The following ARHGAP15 variants were observed in gnomAD, a reference collection of about 807,000 sequenced individuals.
The protein encoded by ARHGAP15 is rho GTPase-activating protein 15.
Under a neutral mutation model 63.7 loss-of-function variants are expected in ARHGAP15, and 51 were observed. The observed-to-expected ratio is 0.80, with a 90% confidence interval of 0.64 to 1.01. ARHGAP15 has a LOEUF of 1.01. Ranked by LOEUF, ARHGAP15 falls within the 50% of genes least tolerant of loss-of-function variation. ARHGAP15 has a pLI of 0.00. For missense variants in ARHGAP15, 560 were observed against 564.6 expected (o/e 0.99, Z 0.08); for synonymous variants, 191 against 193.8 (o/e 0.99, Z 0.12).
At chr2:143,409,343 T>TA (rs1209923176) in intron 6 of ARHGAP15, among the ~76,000 whole-genome samples, 2 of 151,936 alleles carry the variant, frequency 1.3e-5, no homozygotes, top group Non-Finnish European at 2.9e-5. Context: ...CTTTTTTTTT[T>TA]AACCAAATAG....
chr2:143,707,834 TAAA>T (rs993544115), intron 13 of ARHGAP15, among the ~76,000 whole-genome samples: 2 of 152,238 alleles, frequency 1.3e-5, no homozygotes, highest in African/African-American at 4.8e-5. Flanking sequence ...TGTTAAATGT[TAAA>T]TAAAATCAGA....
chr2:143,733,689 T>G (rs761110727), intron 13 of ARHGAP15, among the ~76,000 whole-genome samples: 4 of 152,212 alleles, frequency 2.6e-5, no homozygotes, highest in Non-Finnish European at 5.9e-5. Flanking sequence ...ATTCAGAGAT[T>G]AAAAGAATTC....
intron 13 of ARHGAP15, 133 bp downstream of exon 13, chr2:143,703,657 C>A: frequency 3.1e-6 from 2 of 635,060 alleles, no homozygotes; most frequent in Non-Finnish European, 5.2e-6. Context: ...TGAACTAGGT[C>A]TTTCTGCAGA....
intron 2 of ARHGAP15, among the ~76,000 whole-genome samples, chr2:143,195,008 G>C (rs1437657859): frequency 6.6e-6 from 1 of 152,162 alleles, no homozygotes; most frequent in Non-Finnish European, 1.5e-5. Flanking sequence ...CCAGGAGCGA[G>C]AGGCTGGTGG....
chr2:143,291,511 C>T lies in ARHGAP15; in HGVS notation c.474+40911C>T, dbSNP rs114842459. ...CAAAGCATATATGATTGTTCAAAAT[C>T]AAATGTTATAGTTTTTTCTCTAATT... is the stretch of plus-strand genomic sequence containing the variant. On this transcript the variant is annotated intron_variant, in intron 6 of 13. Transcript: ENST00000295095. 3.8e-3 allele frequency among the ~76,000 whole-genome samples: 578 copies of T among 151,940 alleles called. 5 individuals are homozygous for T. The highest frequency in any genetic ancestry group is 0.013 in the African/African-American group (548 of 41,446).
intron 11 of ARHGAP15, among the ~76,000 whole-genome samples, chr2:143,623,519 C>CG (rs1285578545): frequency 6.6e-6 from 1 of 151,982 alleles, no homozygotes; most frequent in Non-Finnish European, 1.5e-5. Context: ...ATATTTTCCT[C>CG]ACTGAGATGA....
At chr2:143,527,508 G>A (rs1457552810) in intron 10 of ARHGAP15, among the ~76,000 whole-genome samples, 1 of 151,648 alleles carries the variant, frequency 6.6e-6, no homozygotes, top group South Asian at 2.1e-4. Context: ...ATCAAGGGCT[G>A]GACACTTTGA....
At chr2:143,590,294 G>T (rs193281252) in intron 11 of ARHGAP15, among the ~76,000 whole-genome samples, 382 of 152,224 alleles carry the variant, frequency 2.5e-3, no homozygotes, top group African/African-American at 9.0e-3. Context: ...GAAACACTTA[G>T]CATACACTTT....
At chr2:143,521,275 T>G (rs1280123990) in intron 10 of ARHGAP15, among the ~76,000 whole-genome samples, 2 of 152,192 alleles carry the variant, frequency 1.3e-5, no homozygotes, top group Non-Finnish European at 2.9e-5. Context: ...TATGGAAATA[T>G]TCAGTAAAAA....
At chr2:143,548,833 A>G (rs536248070) in intron 10 of ARHGAP15, among the ~76,000 whole-genome samples, 1 of 152,268 alleles carries the variant, frequency 6.6e-6, no homozygotes, top group African/African-American at 2.4e-5. Context: ...TCATAGCAGA[A>G]ATATGAGGAA....
At chr2:143,701,640 AG>A (rs1223439584) in intron 12 of ARHGAP15, among the ~76,000 whole-genome samples, 2 of 152,260 alleles carry the variant, frequency 1.3e-5, no homozygotes, top group Admixed American at 6.5e-5. Context: ...CTGAGGCAGG[AG>A]GATAGCTTGA....
chr2:143,490,448 G>A (rs1029970832), intron 9 of ARHGAP15, among the ~76,000 whole-genome samples: 10 of 152,114 alleles, frequency 6.6e-5, no homozygotes, highest in African/African-American at 2.2e-4. Context: ...GCCCATCAGA[G>A]TCACGTCCAC....
rs1386683458 is a variant in ARHGAP15 at position 143,487,374 on chromosome 2, G to A, written c.705G>A (p.Met235Ile). Residue 235 changes from methionine to isoleucine, a missense_variant and splice_region_variant, in exon 9 of 14, where the codon ATG (methionine) becomes ATA (isoleucine). Physicochemically the swap from Met to Ile is conservative, Grantham distance 10 (BLOSUM62 1). Transcript: ENST00000295095. ...CCTCTGATTTTTTTAAATCTTCAGT[G>A]TTCAGACTGCATCACAGTGCTTCCG... ...EQKPEHRKSL[M>I]FRLHHSASDT... The A allele has an allele frequency of 1.2e-6, 2 of 1,611,152 alleles. No individual in the cohort carries two copies. The highest frequency in any genetic ancestry group is 2.2e-5 in the East Asian group (1 of 44,820).
At chr2:143,756,793 CCTT>C (rs1396257988) in intron 13 of ARHGAP15, among the ~76,000 whole-genome samples, 1 of 152,002 alleles carries the variant, frequency 6.6e-6, no homozygotes, top group African/African-American at 2.4e-5. Flanking sequence ...ATCTGAACAC[CCTT>C]CTTATCTGTG....
At chr2:143,466,140 G>T (rs1350536252) in intron 8 of ARHGAP15, among the ~76,000 whole-genome samples, 1 of 151,940 alleles carries the variant, frequency 6.6e-6, no homozygotes, top group Non-Finnish European at 1.5e-5. Flanking sequence ...CCCCAGGATG[G>T]TAAAATTAGT....
chr2:143,148,203 G>A (rs1416141913), intron 1 of ARHGAP15, among the ~76,000 whole-genome samples: 1 of 151,936 alleles, frequency 6.6e-6, no homozygotes, highest in African/African-American at 2.4e-5. Context: ...TCAGAGTCCT[G>A]TTTATCATAC....
chr2:143,346,214 T>TCTCTCTCTCACACACACA (rs1685278774), intron 6 of ARHGAP15, among the ~76,000 whole-genome samples: 3 of 122,424 alleles, frequency 2.5e-5, no homozygotes, highest in Admixed American at 1.6e-4. Flanking sequence ...ACACACACAC[T>TCTCTCTCTCACACACACA]CTCTCTCACA....
intron 8 of ARHGAP15, among the ~76,000 whole-genome samples, chr2:143,446,988 T>C (rs1393124714): frequency 2.6e-5 from 4 of 152,172 alleles, no homozygotes; most frequent in South Asian, 2.1e-4. Flanking sequence ...TAGTATTCCA[T>C]GGTGTATATG....
chr2:143,704,925 A>T (rs556321387), intron 13 of ARHGAP15, among the ~76,000 whole-genome samples: 26 of 152,012 alleles, frequency 1.7e-4, no homozygotes, highest in African/African-American at 6.3e-4. Flanking sequence ...TCTGCCTACC[A>T]CTCTTAGCCT....
Sources: gnomAD v4.1 joint callset for allele counts (sites outside exome capture counted in the v4.1 genomes callset) on GRCh38, gnomAD v4.1.1 for gene constraint, MANE v1.5 for transcripts, NCBI Gene and HGNC (gene_info 2026-07-23, HGNC 2026-07-21) for gene names.